The following RIC1 variants were observed in gnomAD, a reference collection of about 807,000 sequenced individuals.
RIC1 encodes the protein guanine nucleotide exchange factor subunit RIC1.
RIC1 carries 88 observed loss-of-function variants against 169.0 expected under a neutral mutation model. That is an observed-to-expected ratio of 0.52 (90% CI 0.44 to 0.62). The LOEUF (loss-of-function observed/expected upper bound fraction) is 0.62. Ranked by LOEUF, RIC1 falls within the 20% of genes least tolerant of loss-of-function variation. The pLI, the probability that RIC1 is intolerant of heterozygous loss-of-function variation, is 0.00. For missense variants in RIC1, 1,877 were observed against 1,725.5 expected, an observed-to-expected ratio of 1.09 and a Z score of -1.56; for synonymous variants, 790 against 601.5, an observed-to-expected ratio of 1.31 and a Z score of -4.59.
intron 2 of RIC1, among the ~76,000 whole-genome samples, chr9:5,685,112 C>A (rs1373955991): frequency 6.6e-6 from 1 of 151,290 alleles, no homozygotes. Context: ...AACCACTGCT[C>A]AAGGAAATAA....
chr9:5,690,451 A>G (rs1238794105), intron 3 of RIC1, among the ~76,000 whole-genome samples: 1 of 152,052 alleles, frequency 6.6e-6, no homozygotes, highest in Admixed American at 6.5e-5. Context: ...AAATTTGGGA[A>G]AAACGTGGAC....
intron 12 of RIC1, among the ~76,000 whole-genome samples, chr9:5,749,113 T>C (rs142109575): frequency 3.0e-4 from 46 of 152,338 alleles, no homozygotes; most frequent in African/African-American, 1.1e-3. Context: ...AGAGAAGTTA[T>C]ATGACTTGTC....
chr9:5,670,266 G>A (rs1310799759), intron 2 of RIC1, among the ~76,000 whole-genome samples: 2 of 152,134 alleles, frequency 1.3e-5, no homozygotes, highest in Admixed American at 1.3e-4. Flanking sequence ...CAAGAGCTTT[G>A]CTGATTTTTC....
intron 2 of RIC1, among the ~76,000 whole-genome samples, chr9:5,664,381 C>G (rs1229984024): frequency 2.0e-5 from 3 of 151,978 alleles, no homozygotes; most frequent in Admixed American, 2.0e-4. Context: ...CCACTGCACT[C>G]CAGCCTGGCA....
intron 1 of RIC1, among the ~76,000 whole-genome samples, chr9:5,655,662 A>G (rs1479366657): frequency 1.3e-5 from 2 of 152,168 alleles, no homozygotes; most frequent in East Asian, 3.9e-4. Flanking sequence ...GTTTATTGAA[A>G]TAATCATGTG....
chr9:5,636,400 G>A (rs569190102), intron 1 of RIC1, among the ~76,000 whole-genome samples: 11 of 152,124 alleles, frequency 7.2e-5, no homozygotes, highest in African/African-American at 2.7e-4. Flanking sequence ...ACTCACTGCA[G>A]CCTCTGCCTC....
At chr9:5,745,224 T>C (rs1218912457) in intron 10 of RIC1, among the ~76,000 whole-genome samples, 1 of 152,120 alleles carries the variant, frequency 6.6e-6, no homozygotes, top group Non-Finnish European at 1.5e-5. Context: ...AACATAAAAG[T>C]TCTATTAAAC....
At chr9:5,714,902 C>T (rs1302135131) in intron 4 of RIC1, among the ~76,000 whole-genome samples, 2 of 152,066 alleles carry the variant, frequency 1.3e-5, no homozygotes, top group East Asian at 3.8e-4. Flanking sequence ...ATATGAATGT[C>T]ATGCTACTTT....
intron 1 of RIC1, among the ~76,000 whole-genome samples, chr9:5,648,834 C>T (rs1277397729): frequency 6.6e-6 from 1 of 151,970 alleles, no homozygotes; most frequent in East Asian, 1.9e-4. Context: ...TGTCTTTTGC[C>T]CACTTTTTAA....
At chr9:5,698,859 A>T (rs1184212991) in intron 3 of RIC1, among the ~76,000 whole-genome samples, 1 of 152,212 alleles carries the variant, frequency 6.6e-6, no homozygotes, top group Non-Finnish European at 1.5e-5. Context: ...ACAATTTATA[A>T]GTGTTTAAAA....
At chr9:5,713,864 A>G in intron 3 of RIC1, 32 bp from the exon 4 acceptor site, 2 of 1,505,898 alleles carry the variant, frequency 1.3e-6, no homozygotes, top group South Asian at 2.3e-5. Context: ...CAAATTCAGC[A>G]TCTTTCTTTA....
intron 18 of RIC1, 110 bp downstream of exon 18, chr9:5,762,770 T>C: frequency 7.4e-7 from 1 of 1,353,004 alleles, no homozygotes; most frequent in Non-Finnish European, 1.0e-6. Flanking sequence ...AAAGGAGAAA[T>C]TAAGTCCATA....
chr9:5,670,485 C>T (rs1428188863), intron 2 of RIC1, among the ~76,000 whole-genome samples: 1 of 152,158 alleles, frequency 6.6e-6, no homozygotes, highest in Non-Finnish European at 1.5e-5. Flanking sequence ...CTTTTTCTAG[C>T]TGTTGGGAGA....
At chr9:5,778,360 C>T (rs188520065), downstream of RIC1, among the ~76,000 whole-genome samples, 363 of 152,276 alleles carry the variant, frequency 2.4e-3, 1 homozygote, top group Admixed American at 0.013. Flanking sequence ...TGAACTCTTC[C>T]TTTTCAATCT....
At chr9:5,669,967 A>G (rs1204474489) in intron 2 of RIC1, among the ~76,000 whole-genome samples, 1 of 152,188 alleles carries the variant, frequency 6.6e-6, no homozygotes, top group Non-Finnish European at 1.5e-5. Context: ...TTATAAGGAA[A>G]TGCACAGATG....
chr9:5,643,726 G>C (rs1481712566), intron 1 of RIC1, among the ~76,000 whole-genome samples: 2 of 152,084 alleles, frequency 1.3e-5, no homozygotes, highest in African/African-American at 4.8e-5. Context: ...ATCTAAAATG[G>C]TGATATAGGA....
intron 1 of RIC1, among the ~76,000 whole-genome samples, chr9:5,647,131 G>T (rs901272703): frequency 2.6e-5 from 4 of 152,158 alleles, no homozygotes; most frequent in African/African-American, 9.7e-5. Context: ...ATTTATGCAA[G>T]AGTGTATTTC....
intron 6 of RIC1, among the ~76,000 whole-genome samples, chr9:5,722,358 T>A (rs1219935295): frequency 4.3e-5 from 6 of 138,450 alleles, no homozygotes; most frequent in East Asian, 2.1e-4. Context: ...AGTGTGTGTG[T>A]GTGTGTGTGT....
chr9:5,693,541 C>T (rs1010132884), intron 3 of RIC1, among the ~76,000 whole-genome samples: 4 of 152,226 alleles, frequency 2.6e-5, no homozygotes, highest in Non-Finnish European at 5.9e-5. Flanking sequence ...TTGTATATTA[C>T]ATTATCTCTT....
Sources: allele counts gnomAD v4.1 joint callset (sites outside exome capture counted in the v4.1 genomes callset), GRCh38; gene constraint gnomAD v4.1.1; transcripts MANE v1.5; gene names NCBI Gene and HGNC (gene_info 2026-07-23, HGNC 2026-07-21).